The following LETM1 variants were observed in gnomAD, a reference collection of about 807,000 sequenced individuals.
LETM1 encodes leucine zipper and EF-hand containing transmembrane protein 1.
A neutral mutation model predicts 74.5 loss-of-function variants in LETM1; 50 were observed. That is an observed-to-expected ratio of 0.67 (90% CI 0.53 to 0.85). LETM1 has a LOEUF of 0.85. LETM1 is among the 40% of genes least tolerant of loss of function. The probability of loss-of-function intolerance (pLI) is 0.00; values close to 1 mark genes in which losing one functional copy is unlikely to be tolerated. For missense variants in LETM1, 824 were observed against 967.8 expected (o/e 0.85, Z 1.97); for synonymous variants, 446 against 407.1 (o/e 1.10, Z -1.15).
rs368522202 is a variant in LETM1 at position 1,829,209 on chromosome 4, C to T, written c.1081-3526G>A. On this transcript the variant is annotated intron_variant, in intron 6 of 13. Coordinates refer to ENST00000302787, the MANE Select transcript of LETM1 (RefSeq NM_012318.3). Reference sequence around the variant, plus strand: ...CTCCCTCCCGGACGGGGCGGCTGGCCGGGCGGGGGGCCGACCCCCCCACCT... The same window carrying T: ...CTCCCTCCCGGACGGGGCGGCTGGCTGGGCGGGGGGCCGACCCCCCCACCT... Among the ~76,000 whole-genome samples, 454 of 139,888 alleles carry T rather than the reference C, an allele frequency of 3.2e-3. 2 individuals are homozygous for T. Among genetic ancestry groups the T allele is most frequent in the Admixed American group, 0.02 (271 of 13,884 alleles). The allele number at this position is 139,888 out of a possible 152,430, so 91.8% of individuals were successfully genotyped here.
intron 5 of LETM1, 131 bp from the exon 6 acceptor site, chr4:1,833,078 T>G (rs1712336934): frequency 1.3e-6 from 1 of 750,874 alleles, no homozygotes; most frequent in African/African-American, 1.8e-5. Flanking sequence ...TTCTTCTTTT[T>G]TTTTTTTGTT....
In LETM1 at chr4:1,834,674, G is replaced by A. The variant is rs529341957; in HGVS notation, c.876+171C>T. The stretch of plus-strand genomic sequence containing the variant: ...ACAGCTTAACTCACTGGGAGCTCGT[G>A]GGGGCAGACTCCTGACACTCCACTG... On this transcript the variant is annotated intron_variant, in intron 5 of 13. Transcript: ENST00000302787. The surrounding 1 kb of genome is among the most constrained non-coding windows in gnomAD (Gnocchi z 5.0). 131 of 1,446,842 alleles carry A rather than the reference G, an allele frequency of 9.1e-5. No individual in the cohort carries two copies. The Middle Eastern group carries it at 1.8e-3, about 20-fold the overall frequency. 89.6% of individuals were successfully genotyped at this position (1,446,842 alleles called of 1,614,324 possible).
At chr4:1,842,734 A>G (rs1447538394) in intron 2 of LETM1, among the ~76,000 whole-genome samples, 1 of 152,228 alleles carries the variant, frequency 6.6e-6, no homozygotes, top group Non-Finnish European at 1.5e-5. Context: ...CGCCTGTGCC[A>G]TATCCACCCA....
chr4:1,840,326 G>A (rs1475580979), intron 3 of LETM1, among the ~76,000 whole-genome samples: 1 of 152,116 alleles, frequency 6.6e-6, no homozygotes. Flanking sequence ...GCAGTGAGCC[G>A]AGATTGTGCC....
At chr4:1,853,361 AACACC>A (rs1218403299) in intron 1 of LETM1, among the ~76,000 whole-genome samples, 2 of 152,234 alleles carry the variant, frequency 1.3e-5, no homozygotes, top group African/African-American at 4.8e-5. Context: ...AAACCTGACA[AACACC>A]ACTTCAGCCT....
intron 13 of LETM1, among the ~76,000 whole-genome samples, chr4:1,814,889 G>T (rs997740531): frequency 6.6e-6 from 1 of 152,154 alleles, no homozygotes; most frequent in African/African-American, 2.4e-5. Context: ...GGCAGAGTGG[G>T]GTGACATGCA....
At chr4:1,828,656 C>T (rs1475950822) in intron 6 of LETM1, among the ~76,000 whole-genome samples, 11 of 138,840 alleles carry the variant, frequency 7.9e-5, no homozygotes, top group Admixed American at 2.7e-4. Context: ...CCCCACCTCC[C>T]GGACGGGGCA....
In LETM1 at chr4:1,822,202, G is replaced by C; in HGVS notation, c.1587C>G (p.Ala529=). ...VLQSETLKDT[A]PVLEGLKEEE... ...TTACCTTCAAGCCCTCCAGCACCGG[G>C]GCAGTGTCCTTCAAGGTCTCTGACT... Residue 529 remains alanine (A), a synonymous_variant, in exon 10 of 14, where the codon GCC becomes GCG. Coordinates refer to ENST00000302787, the MANE Select transcript of LETM1 (RefSeq NM_012318.3). 1 of 1,484,694 alleles carries C rather than the reference G, an allele frequency of 6.7e-7. No individual in the cohort carries two copies. Among genetic ancestry groups the C allele is most frequent in the South Asian group, 1.4e-5 (1 of 73,808 alleles). The allele number at this position is 1,484,694 out of a possible 1,614,324, so 92.0% of individuals were successfully genotyped here.
chr4:1,849,092 C>T lies in LETM1; in HGVS notation c.143+57G>A, dbSNP rs1712981731. The stretch of plus-strand genomic sequence containing the variant: ...ATCAAGAGTCACTCGTGACTCTCCA[C>T]CATTTTCAAACCCTGTTTTCAAACA... On this transcript the variant is annotated intron_variant, in intron 2 of 13. Transcript: ENST00000302787. The T allele has an allele frequency of 3.3e-6, 4 of 1,224,142 alleles. No homozygotes were observed. The Admixed American group carries it at 5.1e-5, about 15-fold the overall frequency. 75.8% of individuals were successfully genotyped at this position (1,224,142 alleles called of 1,614,324 possible).
In LETM1 at chr4:1,822,262, G is replaced by A. The variant is rs199795241; in HGVS notation, c.1527C>T (p.Thr509=). The A allele has an allele frequency of 9.3e-5, 143 of 1,542,872 alleles. No homozygotes were observed. The East Asian group carries it at 1.6e-3, about 17-fold the overall frequency. The part of the protein sequence containing the change: ...RVVAAPQRPG[T]EPQPEMPDTV... ...TGTCAGGCATTTCTGGCTGTGGCTC[G>A]GTCCCCGGCCTTTGGGGAGCAGCTA... The change falls in exon 10 of 14, where the codon ACC becomes ACT. Residue 509 remains threonine (T), a synonymous_variant. Coordinates refer to ENST00000302787, the MANE Select transcript of LETM1 (RefSeq NM_012318.3).
intron 10 of LETM1, among the ~76,000 whole-genome samples, 179 bp from the exon 11 acceptor site, chr4:1,819,651 C>T (rs1391538976): frequency 1.3e-5 from 2 of 152,198 alleles, no homozygotes; most frequent in Admixed American, 1.3e-4. Context: ...GGCTGCTGCA[C>T]GCAGTCACTG....
Position 1,855,868 on chromosome 4 carries a change from C to T in LETM1, c.82+1G>A. 1 of 1,230,454 alleles carries T rather than the reference C, an allele frequency of 8.1e-7. No homozygotes were observed. The highest frequency in any genetic ancestry group is 1.0e-6 in the Non-Finnish European group (1 of 988,422). 76.2% of individuals were successfully genotyped at this position (1,230,454 alleles called of 1,614,324 possible). On this transcript the variant is annotated splice_donor_variant, in intron 1 of 13. Coordinates refer to ENST00000302787, the MANE Select transcript of LETM1 (RefSeq NM_012318.3). LOFTEE classifies it high-confidence loss of function. ...CCCGCCCTGGGGTGCCCGCCGCTTA[C>T]CCCGCGGGACGGTGTACCGAGGCGG...
intron 1 of LETM1, among the ~76,000 whole-genome samples, chr4:1,849,814 T>C (rs367554880): frequency 2.7e-4 from 41 of 152,302 alleles, no homozygotes; most frequent in African/African-American, 8.7e-4. Context: ...TCCCAAAGTG[T>C]TGGGATTACA....
chr4:1,840,447 C>CATG (rs1381600794), intron 3 of LETM1, among the ~76,000 whole-genome samples: 1 of 151,980 alleles, frequency 6.6e-6, no homozygotes, highest in Non-Finnish European at 1.5e-5. Context: ...GTGGGCAGAT[C>CATG]ATGAGGTCAG....
rs112807057 is a variant in LETM1 at position 1,846,805 on chromosome 4, A to C, written c.143+2344T>G. On this transcript the variant is annotated intron_variant, in intron 2 of 13. Transcript: ENST00000302787. ...GAAATGAAACCACCTCAGAAGCAGA[A>C]GCCCTGGGAAAGAAGAGGCAGATGA... Among the ~76,000 whole-genome samples the C allele has an allele frequency of 2.1e-3, 319 of 152,308 alleles. 1 individual carries two copies. The highest frequency in any genetic ancestry group is 7.2e-3 in the African/African-American group (299 of 41,576).
chr4:1,833,060 C>T (rs763442237), intron 5 of LETM1, 113 bp from the exon 6 acceptor site: 40 of 843,152 alleles, frequency 4.7e-5, no homozygotes, highest in Non-Finnish European at 7.3e-5. Context: ...ACTCAAACCA[C>T]TGACTACTTC....
At chr4:1,837,151 G>A (rs559027627) in intron 3 of LETM1, among the ~76,000 whole-genome samples, 153 of 152,234 alleles carry the variant, frequency 1.0e-3, no homozygotes, top group African/African-American at 3.4e-3. Flanking sequence ...AAAACAGCGC[G>A]GGTGATGCTG....
chr4:1,816,317 C>G lies in LETM1; in HGVS notation c.1931+410G>C, dbSNP rs534326991. Among the ~76,000 whole-genome samples the G allele has an allele frequency of 7.2e-3, 1,090 of 152,346 alleles. 9 individuals carry two copies. The highest frequency in any genetic ancestry group is 0.044 in the Middle Eastern group (13 of 294). On this transcript the variant is annotated intron_variant, in intron 12 of 13. Coordinates refer to ENST00000302787, the MANE Select transcript of LETM1 (RefSeq NM_012318.3). ...AGAAGGGACTCACAAAACGGCAGCTCCCTCAGCCACTGCTGCGCAGGAATC... is the reference window on the plus strand; with the variant it reads ...AGAAGGGACTCACAAAACGGCAGCTGCCTCAGCCACTGCTGCGCAGGAATC...
intron 7 of LETM1, 103 bp downstream of exon 7, chr4:1,825,461 G>A (rs568242746): frequency 6.2e-6 from 9 of 1,441,398 alleles, no homozygotes; most frequent in Middle Eastern, 2.4e-4. Flanking sequence ...GTGTCGCCTC[G>A]CCAGGCCGGC....
Sources: allele counts gnomAD v4.1 joint callset (sites outside exome capture counted in the v4.1 genomes callset), GRCh38; gene constraint gnomAD v4.1.1; non-coding constraint Gnocchi (gnomAD v3.1); transcripts MANE v1.5; gene names NCBI Gene and HGNC (gene_info 2026-07-23, HGNC 2026-07-21).